FGF13: variants seen among roughly 807,000 people sequenced by gnomAD.
FGF13 encodes the protein fibroblast growth factor 13.
Under a neutral mutation model 19.5 loss-of-function variants are expected in FGF13, and 2 were observed. That is an observed-to-expected ratio of 0.10 (90% CI 0.04 to 0.32). FGF13 has a LOEUF of 0.32. Among genes scored for constraint, FGF13 ranks in the 10% least tolerant of loss-of-function variants. FGF13 has a pLI of 1.00. For missense variants in FGF13, 113 were observed against 192.7 expected (o/e 0.59, Z 2.45); for synonymous variants, 72 against 76.9 (o/e 0.94, Z 0.33).
chrX:139,147,864 T>TG (rs921647709), intron 1 of FGF13, among the ~76,000 whole-genome samples: 2 of 108,003 alleles, frequency 1.9e-5, no homozygotes, highest in African/African-American at 6.7e-5. Flanking sequence ...AACTCTGGGT[T>TG]TTTTTTTTTT....
chrX:139,089,194 A>G (rs911911489), intron 1 of FGF13, among the ~76,000 whole-genome samples: 3 of 111,966 alleles, frequency 2.7e-5, no homozygotes, highest in Non-Finnish European at 3.8e-5. Flanking sequence ...AAGCAAGGCA[A>G]TGAGGCAGCT....
At chrX:138,960,111 T>G (rs1391692082) in intron 1 of FGF13, among the ~76,000 whole-genome samples, 1 of 112,208 alleles carries the variant, frequency 8.9e-6, no homozygotes, top group Non-Finnish European at 1.9e-5. Context: ...AGTTTCTTCC[T>G]AGCTTCAATG....
intron 3 of FGF13, among the ~76,000 whole-genome samples, chrX:138,791,740 A>C (rs1006003964): frequency 8.9e-6 from 1 of 112,094 alleles, no homozygotes; most frequent in African/African-American, 3.2e-5. Flanking sequence ...ACATCATTGG[A>C]AAAACTCCAG....
intron 1 of FGF13, among the ~76,000 whole-genome samples, chrX:138,944,961 C>G (rs1243840034): frequency 2.7e-5 from 3 of 110,261 alleles, no homozygotes; most frequent in Non-Finnish European, 5.7e-5. Context: ...TTGTCTCATA[C>G]AGTTTTCTTT....
At chrX:139,153,125 T>C (rs2083948622) in intron 1 of FGF13, among the ~76,000 whole-genome samples, 1 of 111,334 alleles carries the variant, frequency 9.0e-6, no homozygotes. Flanking sequence ...ATAAAAAGTA[T>C]TGATCAGATT....
chrX:138,916,238 C>A (rs1201252522), intron 1 of FGF13, among the ~76,000 whole-genome samples: 1 of 111,747 alleles, frequency 8.9e-6, no homozygotes, highest in Admixed American at 9.6e-5. Flanking sequence ...ATGGGACACT[C>A]TGACAATTCT....
chrX:138,947,074 T>C (rs954175411), intron 1 of FGF13, among the ~76,000 whole-genome samples: 7 of 112,056 alleles, frequency 6.2e-5, no homozygotes, highest in African/African-American at 2.3e-4. Context: ...ATCCCCCAAA[T>C]TGTTTTTTCA....
At chrX:138,712,332 T>C (rs1157889692), upstream of FGF13, among the ~76,000 whole-genome samples, 1 of 111,652 alleles carries the variant, frequency 9.0e-6, no homozygotes, top group Non-Finnish European at 1.9e-5. Context: ...GTTTTTCCTC[T>C]GCGCCCCCTC....
chrX:138,882,038 C>T (rs1023372214), intron 1 of FGF13, among the ~76,000 whole-genome samples: 1 of 110,513 alleles, frequency 9.0e-6, no homozygotes, highest in African/African-American at 3.3e-5. Flanking sequence ...TAGGTATTTA[C>T]AGTTTTAATT....
chrX:138,744,614 CA>C (rs2090342651), intron 3 of FGF13, among the ~76,000 whole-genome samples: 1 of 110,857 alleles, frequency 9.0e-6, no homozygotes, highest in Non-Finnish European at 1.9e-5. Flanking sequence ...CATTTTTTGG[CA>C]GCATTTTTGT....
In FGF13 at chrX:139,002,740, C is replaced by T. The variant is rs1251565360; in HGVS notation, c.-112-138090G>A. Among the ~76,000 whole-genome samples the T allele has an allele frequency of 5.7e-4, 63 of 111,257 alleles. 1 individual carries two copies. In the Admixed American group the frequency reaches 5.8e-3, roughly 10 times the overall value. ...AGTTGTGAGTTCTCATTTCCAGGCC[C>T]TAGATCCTGAATGACATTTCTAGAC... On this transcript the variant is annotated intron_variant, in intron 1 of 2. Transcript: ENST00000421460.
intron 2 of FGF13, among the ~76,000 whole-genome samples, chrX:138,862,011 T>C (rs2091290839): frequency 9.0e-6 from 1 of 111,619 alleles, no homozygotes; most frequent in Non-Finnish European, 1.9e-5. Flanking sequence ...TCAAAAAAAT[T>C]AAATAAATAA....
At chrX:138,640,552 G>T (rs932916721) in intron 3 of FGF13, among the ~76,000 whole-genome samples, 1 of 111,800 alleles carries the variant, frequency 8.9e-6, no homozygotes, top group Non-Finnish European at 1.9e-5. Context: ...GTTAATAGAC[G>T]AGTGGGCTGT....
In FGF13 at chrX:138,782,798, A is replaced by C. The variant is rs1272258284; in HGVS notation, c.218-73870T>G. 1.2e-4 allele frequency among the ~76,000 whole-genome samples: 12 copies of C among 101,599 alleles called. 1 individual carries two copies. Among genetic ancestry groups the C allele is most frequent in the African/African-American group, 4.4e-4 (12 of 27,498 alleles). 88.2% of individuals were successfully genotyped at this position (101,599 alleles called of 115,157 possible). On this transcript the variant is annotated intron_variant, in intron 3 of 6. Coordinates refer to the FGF13 transcript ENST00000436198. ...AAGCTACCAATGCCTTTCTTCACAC[A>C]ATTGGAAAAAACTACTTTAAAGTTC...
At chrX:138,685,289 C>CA (rs2089769889) in intron 3 of FGF13, among the ~76,000 whole-genome samples, 1 of 110,970 alleles carries the variant, frequency 9.0e-6, no homozygotes, top group Non-Finnish European at 1.9e-5. Context: ...GAGAATTCTA[C>CA]ACGAGATTGA....
chrX:138,691,631 C>A (rs1009915598), intron 3 of FGF13, among the ~76,000 whole-genome samples: 1 of 111,715 alleles, frequency 9.0e-6, no homozygotes, highest in African/African-American at 3.3e-5. Flanking sequence ...TCTTCCAAAT[C>A]TTTATAGGAC....
chrX:139,172,655 G>C (rs1352180097), intron 1 of FGF13, among the ~76,000 whole-genome samples: 3 of 111,684 alleles, frequency 2.7e-5, no homozygotes, highest in Admixed American at 1.9e-4. Flanking sequence ...GGACAGTTTA[G>C]GTAGTATTTC....
At chrX:138,833,746 G>A (rs1375238131) in intron 3 of FGF13, among the ~76,000 whole-genome samples, 2 of 111,707 alleles carry the variant, frequency 1.8e-5, no homozygotes, top group Admixed American at 9.5e-5. Flanking sequence ...GGTTATCAAG[G>A]GGAGTGTTTT....
chrX:138,736,622 CAG>C (rs1364876472), intron 1 of FGF13, among the ~76,000 whole-genome samples: 2 of 109,732 alleles, frequency 1.8e-5, no homozygotes, highest in African/African-American at 6.7e-5. Context: ...GAAAAATGGA[CAG>C]GGGATTATTG....
Sources: allele counts gnomAD v4.1 joint callset (sites outside exome capture counted in the v4.1 genomes callset), GRCh38; gene constraint gnomAD v4.1.1; transcripts MANE v1.5; gene names NCBI Gene and HGNC (gene_info 2026-07-23, HGNC 2026-07-21).